DPP10: variants seen among roughly 807,000 people sequenced by gnomAD.
The protein encoded by DPP10 is dipeptidyl peptidase like 10.
Under a neutral mutation model 120.9 loss-of-function variants are expected in DPP10, and 33 were observed. The ratio of observed to expected loss-of-function variants is 0.27; its 90% CI spans 0.21 to 0.37. DPP10 has a LOEUF of 0.37. Among genes scored for constraint, DPP10 ranks in the 10% least tolerant of loss-of-function variants. The pLI is 1.00. For synonymous variants in DPP10, 337 were observed against 326.1 expected (o/e 1.03, Z -0.36); for missense variants, 816 against 942.8 (o/e 0.87, Z 1.76).
intron 1 of DPP10, among the ~76,000 whole-genome samples, chr2:114,993,470 A>G (rs1700869657): frequency 6.6e-6 from 1 of 151,190 alleles, no homozygotes; most frequent in African/African-American, 2.4e-5. Flanking sequence ...AACCTTATAG[A>G]ACCAAGTTTA....
intron 1 of DPP10, among the ~76,000 whole-genome samples, chr2:115,213,649 C>T (rs1409065961): frequency 6.6e-6 from 1 of 152,044 alleles, no homozygotes; most frequent in Non-Finnish European, 1.5e-5. Flanking sequence ...TTCTTGTGAT[C>T]ATTCCTTGAT....
intron 1 of DPP10, among the ~76,000 whole-genome samples, chr2:114,568,239 G>A (rs1689360679): frequency 6.6e-6 from 1 of 151,990 alleles, no homozygotes; most frequent in South Asian, 2.1e-4. Context: ...TAGAATGTAT[G>A]ATGATCAAGT....
intron 5 of DPP10, among the ~76,000 whole-genome samples, chr2:115,571,463 A>G (rs946869689): frequency 2.0e-5 from 3 of 152,152 alleles, no homozygotes; most frequent in Admixed American, 2.0e-4. Flanking sequence ...GCTCCCTCTT[A>G]TAAATGAGAA....
intron 1 of DPP10, among the ~76,000 whole-genome samples, chr2:115,205,963 C>G (rs540857501): frequency 6.6e-6 from 1 of 152,174 alleles, no homozygotes; most frequent in East Asian, 1.9e-4. Flanking sequence ...AATTGTATCC[C>G]AACTTCACCA....
intron 5 of DPP10, among the ~76,000 whole-genome samples, chr2:115,582,517 C>T (rs992946929): frequency 7.9e-5 from 12 of 152,092 alleles, no homozygotes; most frequent in African/African-American, 2.7e-4. Flanking sequence ...TCTGCCCAAC[C>T]GTCTGCTAAT....
intron 1 of DPP10, among the ~76,000 whole-genome samples, chr2:115,013,309 G>T (rs1475999321): frequency 6.6e-6 from 1 of 152,132 alleles, no homozygotes; most frequent in Non-Finnish European, 1.5e-5. Flanking sequence ...CTTTAAGAAT[G>T]TTGAATATTG....
rs905092612 is a variant in DPP10 at position 115,390,149 on chromosome 2, T to C, written c.271+46237T>C. ...CTTGTAGAGAGATACTCAAGTATTA[T>C]TTGTTGTAACTTGAATGAAGAAACA... On this transcript the variant is annotated intron_variant, in intron 3 of 25. Transcript: ENST00000410059. Among the ~76,000 whole-genome samples the C allele has an allele frequency of 2.0e-5, 3 of 152,202 alleles. No homozygotes were observed. In the South Asian group the frequency reaches 6.2e-4, roughly 31 times the overall value.
rs553205698 is a variant in DPP10, at chr2:114,791,272, T to C, written c.60+348434T>C. Among the ~76,000 whole-genome samples, 6 of 152,306 alleles carry C rather than the reference T, an allele frequency of 3.9e-5. 1 individual carries two copies. The South Asian group carries it at 1.2e-3, about 32-fold the overall frequency. ...GAAGCTCAATATTGCCATGTTTTGT[T>C]TCAGGCATAGGCTTTGGAGTCAGGT... is the stretch of plus-strand genomic sequence containing the variant. On this transcript the variant is annotated intron_variant, in intron 1 of 25. Transcript: ENST00000410059.
chr2:115,208,191 C>CTTTTTTTTTTT (rs760142039), intron 1 of DPP10, among the ~76,000 whole-genome samples: 1 of 138,916 alleles, frequency 7.2e-6, no homozygotes, highest in Non-Finnish European at 1.5e-5. Context: ...CATTATTTCT[C>CTTTTTTTTTTT]TTTTTTTTTT....
At chr2:114,647,607 A>G (rs1696238014) in intron 1 of DPP10, among the ~76,000 whole-genome samples, 2 of 152,008 alleles carry the variant, frequency 1.3e-5, no homozygotes, top group Non-Finnish European at 2.9e-5. Flanking sequence ...AAAACCACTT[A>G]ATTTCCTGGA....
intron 12 of DPP10, among the ~76,000 whole-genome samples, chr2:115,763,196 G>T (rs143261540): frequency 6.6e-5 from 10 of 152,220 alleles, no homozygotes; most frequent in African/African-American, 2.4e-4. Context: ...AGTGAGTTTT[G>T]CAAAGGGAAA....
At chr2:115,377,489 C>A (rs1574617823) in intron 3 of DPP10, among the ~76,000 whole-genome samples, 1 of 151,978 alleles carries the variant, frequency 6.6e-6, no homozygotes, top group Non-Finnish European at 1.5e-5. Context: ...AAATTTCCTC[C>A]CATTCTGTAG....
intron 3 of DPP10, among the ~76,000 whole-genome samples, chr2:115,476,144 C>G (rs2075061966): frequency 6.6e-6 from 1 of 152,078 alleles, no homozygotes; most frequent in South Asian, 2.1e-4. Flanking sequence ...ATACCCAAAT[C>G]TCATGTGGAA....
intron 7 of DPP10, among the ~76,000 whole-genome samples, chr2:115,699,882 T>C (rs1028940915): frequency 6.6e-6 from 1 of 152,192 alleles, no homozygotes; most frequent in African/African-American, 2.4e-5. Context: ...TATAAAAAAC[T>C]GATCAATGTA....
In DPP10 at chr2:115,425,364, C is replaced by T. The variant is rs192015794; in HGVS notation, c.272-74146C>T. Among the ~76,000 whole-genome samples the T allele has an allele frequency of 1.2e-4, 19 of 152,188 alleles. No homozygotes were observed. In the East Asian group the frequency reaches 3.7e-3, roughly 29 times the overall value. On this transcript the variant is annotated intron_variant, in intron 3 of 25. Coordinates refer to ENST00000410059, the MANE Select transcript of DPP10 (RefSeq NM_020868.6). ...GTACTCTGCTAAAGTATAATTTTTACGTTGTTTTTGTTGCTGCTGTTTTGT... is the reference window on the plus strand; with the variant it reads ...GTACTCTGCTAAAGTATAATTTTTATGTTGTTTTTGTTGCTGCTGTTTTGT...
At chr2:115,414,566 T>A (rs985916245) in intron 3 of DPP10, among the ~76,000 whole-genome samples, 16 of 152,178 alleles carry the variant, frequency 1.1e-4, no homozygotes, top group Non-Finnish European at 2.1e-4. Context: ...AACTGATATG[T>A]ATTTTTTTAG....
At chr2:115,741,810 G>C (rs960664137) in intron 9 of DPP10, among the ~76,000 whole-genome samples, 1 of 152,056 alleles carries the variant, frequency 6.6e-6, no homozygotes, top group Non-Finnish European at 1.5e-5. Flanking sequence ...CTTAGTTCTA[G>C]ACTCATGGTG....
intron 5 of DPP10, among the ~76,000 whole-genome samples, chr2:115,611,884 T>C (rs1251973429): frequency 6.6e-6 from 1 of 152,096 alleles, no homozygotes; most frequent in Non-Finnish European, 1.5e-5. Context: ...AAGATCTTTG[T>C]AACCTCCAGT....
chr2:115,673,077 A>G (rs2090031153), intron 5 of DPP10, among the ~76,000 whole-genome samples: 2 of 152,106 alleles, frequency 1.3e-5, no homozygotes, highest in Admixed American at 1.3e-4. Flanking sequence ...AAAAGTAGTT[A>G]TGCAGTTATA....
Sources: gnomAD v4.1 joint callset for allele counts (sites outside exome capture counted in the v4.1 genomes callset) on GRCh38, gnomAD v4.1.1 for gene constraint, MANE v1.5 for transcripts, NCBI Gene and HGNC (gene_info 2026-07-23, HGNC 2026-07-21) for gene names.